Variants in ATP6V0E2 observed in about 807,000 individuals in gnomAD.
ATP6V0E2 encodes V-type proton ATPase subunit e 2.
A neutral mutation model predicts 11.5 loss-of-function variants in ATP6V0E2; 4 were observed. That is an observed-to-expected ratio of 0.35 (90% CI 0.17 to 0.80). The LOEUF (loss-of-function observed/expected upper bound fraction) is 0.80, where lower values mean the gene tolerates loss of function less well. ATP6V0E2 is among the 30% of genes least tolerant of loss of function. The probability of loss-of-function intolerance (pLI) is 0.53; values close to 1 mark genes in which losing one functional copy is unlikely to be tolerated. For missense variants in ATP6V0E2, 93 were observed against 113.5 expected (o/e 0.82, Z 0.82); for synonymous variants, 52 against 51.0 (o/e 1.02, Z -0.09).
At position 149,879,509 on chromosome 7, in the gene ATP6V0E2, G is replaced by A. The variant is rs1803340207; in HGVS notation, c.*194G>A. On this transcript the variant is annotated 3_prime_UTR_variant, in exon 4 of 4. Coordinates refer to ENST00000425642, the MANE Select transcript of ATP6V0E2 (RefSeq NM_145230.4). The stretch of plus-strand genomic sequence containing the variant: ...CTTCCCAGTCTTCCCAGCCAGCCCG[G>A]GCCCTGGGGAGCCCTGGGCACAGCA... The A allele has an allele frequency of 4.4e-6, 7 of 1,590,430 alleles. No individual in the cohort carries two copies. The highest frequency in any genetic ancestry group is 6.0e-6 in the Non-Finnish European group (7 of 1,168,500).
At chr7:149,873,782 C>T, upstream of ATP6V0E2, 2 of 1,262,088 alleles carry the variant, frequency 1.6e-6, no homozygotes, top group Admixed American at 5.8e-5. Flanking sequence ...GACGCGGACC[C>T]TATAACCCAT....
Position 149,875,649 on chromosome 7 carries a change from A to C in ATP6V0E2, c.152+4A>C. ...CCGCCGTCTGCTGTTACCTCTTGTA[A>C]GTACTACTCTCCCCAGCTCAAAGTC... On this transcript the variant is annotated splice_donor_region_variant and intron_variant, in intron 2 of 3. Coordinates refer to ENST00000425642, the MANE Select transcript of ATP6V0E2 (RefSeq NM_145230.4). 6.2e-7 allele frequency: 1 copy of C among 1,613,402 alleles called. No individual in the cohort carries two copies. Among genetic ancestry groups the C allele is most frequent in the Non-Finnish European group, 8.5e-7 (1 of 1,179,584 alleles).
At chr7:149,873,871 G>A, upstream of ATP6V0E2, 1 of 1,460,722 alleles carries the variant, frequency 6.8e-7, no homozygotes. Context: ...TCAGCGAGTG[G>A]GCTCCTAGGC....
At chr7:149,876,754 G>A (rs75153708) in intron 2 of ATP6V0E2, among the ~76,000 whole-genome samples, 4,785 of 152,252 alleles carry the variant, frequency 0.031, 65 homozygotes, top group East Asian at 0.056. Flanking sequence ...ATCTTCCTAT[G>A]TCTTGTACAT....
At chr7:149,874,228 C>G in intron 1 of ATP6V0E2, 59 bp downstream of exon 1, 2 of 1,487,732 alleles carry the variant, frequency 1.3e-6, no homozygotes, top group Non-Finnish European at 1.8e-6. Context: ...GCCCGGCTCG[C>G]CCCTCCGCCC....
In ATP6V0E2 at chr7:149,879,399, C is replaced by A. The variant is rs757772874; in HGVS notation, c.*84C>A. 1 of 1,600,772 alleles carries A rather than the reference C, an allele frequency of 6.2e-7. No homozygotes were observed. Among genetic ancestry groups the A allele is most frequent in the Non-Finnish European group, 8.5e-7 (1 of 1,173,820 alleles). On this transcript the variant is annotated 3_prime_UTR_variant, in exon 4 of 4. Coordinates refer to ENST00000425642, the MANE Select transcript of ATP6V0E2 (RefSeq NM_145230.4). ...GACAACCCCTTCGTCCGGACCCTCC[C>A]CCACACAACTATGTCTGGTCACCAG...
intron 2 of ATP6V0E2, chr7:149,876,113 C>T (rs1040526086): frequency 4.4e-6 from 2 of 456,452 alleles, no homozygotes; most frequent in African/African-American, 2.0e-5. Context: ...CGTGGCGGCT[C>T]ACGCCTGTAA....
chr7:149,879,442 C>G lies in ATP6V0E2; in HGVS notation c.*127C>G, dbSNP rs765510050. 1 of 1,602,970 alleles carries G rather than the reference C, an allele frequency of 6.2e-7. No individual in the cohort carries two copies. Among genetic ancestry groups the G allele is most frequent in the Non-Finnish European group, 8.5e-7 (1 of 1,175,352 alleles). On this transcript the variant is annotated 3_prime_UTR_variant, in exon 4 of 4. Coordinates refer to ENST00000425642, the MANE Select transcript of ATP6V0E2 (RefSeq NM_145230.4). ...GTCACCAGCTCCCTCCTGCTGGCACCCAGAGACCCGGACCCGCAGGGCCTG... is the reference window on the plus strand; with the variant it reads ...GTCACCAGCTCCCTCCTGCTGGCACGCAGAGACCCGGACCCGCAGGGCCTG...
At chr7:149,873,053 G>A (rs1802920089), upstream of ATP6V0E2, 1 of 152,210 alleles carries the variant, frequency 6.6e-6, no homozygotes, top group African/African-American at 2.4e-5. Context: ...AGAGAAGAAG[G>A]GATATGTGAG....
At position 149,879,361 on chromosome 7, in the gene ATP6V0E2, C is replaced by G; in HGVS notation, c.*46C>G. ...TGCCCAGCTCTCGGAATGACTGTGG[C>G]TCCACTGTCCCTGACAACCCCTTCG... On this transcript the variant is annotated 3_prime_UTR_variant, in exon 4 of 4. Transcript: ENST00000425642. The G allele has an allele frequency of 6.4e-7, 1 of 1,560,292 alleles. No individual in the cohort carries two copies. Among genetic ancestry groups the G allele is most frequent in the South Asian group, 1.2e-5 (1 of 83,436 alleles).
At chr7:149,873,669 A>C, upstream of ATP6V0E2, 1 of 401,566 alleles carries the variant, frequency 2.5e-6, no homozygotes. Flanking sequence ...CGGCGCGTGA[A>C]GGGCAGGGGA....
At position 149,879,515 on chromosome 7, in the gene ATP6V0E2, G is replaced by C. The variant is rs1803340976; in HGVS notation, c.*200G>C. On this transcript the variant is annotated 3_prime_UTR_variant, in exon 4 of 4. Transcript: ENST00000425642. The stretch of plus-strand genomic sequence containing the variant: ...AGTCTTCCCAGCCAGCCCGGGCCCT[G>C]GGGAGCCCTGGGCACAGCAGCGGCC... 6.3e-7 allele frequency: 1 copy of C among 1,587,290 alleles called. No homozygotes were observed. Among genetic ancestry groups the C allele is most frequent in the Admixed American group, 1.8e-5 (1 of 56,778 alleles).
In ATP6V0E2 at chr7:149,880,599, T is replaced by C. The variant is rs896853026; in HGVS notation, c.*1284T>C. 6.6e-6 allele frequency: 1 copy of C among 152,476 alleles called. No homozygotes were observed. Among genetic ancestry groups the C allele is most frequent in the Non-Finnish European group, 1.5e-5 (1 of 68,214 alleles). 9.4% of individuals were successfully genotyped at this position (152,476 alleles called of 1,614,324 possible). A position where few individuals can be genotyped will look rare whatever the true frequency, so the allele number is the denominator to read the frequency against. On this transcript the variant is annotated 3_prime_UTR_variant, in exon 4 of 4. Transcript: ENST00000425642. ...TGACATCCTCCCCCTACACTCCCTC[T>C]CTGAGCCTCCGTCGCCCCTCCTGTT...
Position 149,879,723 on chromosome 7 carries a change from G to T in ATP6V0E2, c.*408G>T. Reference sequence around the variant, plus strand: ...GAGAGGGTGCTCCGGCCCAGGCGGGGGAGTCAGTGCCCAGTCAGCAGCTCT... The same window carrying T: ...GAGAGGGTGCTCCGGCCCAGGCGGGTGAGTCAGTGCCCAGTCAGCAGCTCT... On this transcript the variant is annotated 3_prime_UTR_variant, in exon 4 of 4. Coordinates refer to ENST00000425642, the MANE Select transcript of ATP6V0E2 (RefSeq NM_145230.4). The T allele has an allele frequency of 7.6e-7, 1 of 1,324,050 alleles. No individual in the cohort carries two copies. Among genetic ancestry groups the T allele is most frequent in the Non-Finnish European group, 9.8e-7 (1 of 1,023,542 alleles). The allele number at this position is 1,324,050 out of a possible 1,614,324, so 82.0% of individuals were successfully genotyped here.
In ATP6V0E2 at chr7:149,874,224, C is replaced by T. The variant is rs1197077760; in HGVS notation, c.104+55C>T. The T allele has an allele frequency of 1.1e-5, 16 of 1,496,660 alleles. No individual in the cohort carries two copies. In the South Asian group the frequency reaches 1.7e-4, roughly 16 times the overall value. 92.7% of individuals were successfully genotyped at this position (1,496,660 alleles called of 1,614,324 possible). On this transcript the variant is annotated intron_variant, in intron 1 of 3. Transcript: ENST00000425642. ...TCTCCACCCCGGCCCCCTGGCCCGG[C>T]TCGCCCCTCCGCCCCGGGGCGGCGG...
At position 149,875,706 on chromosome 7, in the gene ATP6V0E2, C is replaced by T. The variant is rs189122070; in HGVS notation, c.152+61C>T. On this transcript the variant is annotated intron_variant, in intron 2 of 3. Coordinates refer to ENST00000425642, the MANE Select transcript of ATP6V0E2 (RefSeq NM_145230.4). Reference sequence around the variant, plus strand: ...TTCCTTTGTCCTCCCTCCTTTCCTCCTCACCCTAGCCTGCTCTTCCTTCTG... The same window carrying T: ...TTCCTTTGTCCTCCCTCCTTTCCTCTTCACCCTAGCCTGCTCTTCCTTCTG... 3.3e-6 allele frequency: 5 copies of T among 1,513,142 alleles called. No homozygotes were observed. In the African/African-American group the frequency reaches 5.5e-5, roughly 17 times the overall value. 93.7% of individuals were successfully genotyped at this position (1,513,142 alleles called of 1,614,324 possible). A position where few individuals can be genotyped will look rare whatever the true frequency, so the allele number is the denominator to read the frequency against.
In ATP6V0E2 at chr7:149,874,884, C is replaced by G. The variant is rs187849974; in HGVS notation, c.105-714C>G. ...GCTTGCAGTGCTTTAGATCAAAGAT[C>G]AAGGGCCTCGTTTGGATTAGAGTTA... On this transcript the variant is annotated intron_variant, in intron 1 of 3. Coordinates refer to ENST00000425642, the MANE Select transcript of ATP6V0E2 (RefSeq NM_145230.4). The G allele has an allele frequency of 6.3e-4, 96 of 153,430 alleles. 2 individuals carry two copies. In the South Asian group the frequency reaches 9.0e-3, roughly 14 times the overall value. 9.5% of individuals were successfully genotyped at this position (153,430 alleles called of 1,614,324 possible).
At position 149,875,617 on chromosome 7, in the gene ATP6V0E2, G is replaced by A. The variant is rs140812225; in HGVS notation, c.124G>A (p.Val42Ile). The change falls in exon 2 of 4, where the codon GTC becomes ATC. Residue 42 changes from valine (V) to isoleucine (I), a missense_variant. Physicochemically the swap from Val to Ile is conservative, Grantham distance 29 (BLOSUM62 3). Coordinates refer to ENST00000425642, the MANE Select transcript of ATP6V0E2 (RefSeq NM_145230.4). ...PNRGVIITML[V>I]ATAVCCYLFW... ...CTGCAGAGTGATCATCACCATGCTG[G>A]TCGCCACCGCCGTCTGCTGTTACCT... 3 of 1,613,848 alleles carry A rather than the reference G, an allele frequency of 1.9e-6. No homozygotes were observed. Among genetic ancestry groups the A allele is most frequent in the African/African-American group, 1.3e-5 (1 of 75,006 alleles).
intron 3 of ATP6V0E2, 186 bp from the exon 4 acceptor site, chr7:149,879,149 C>G: frequency 7.1e-7 from 1 of 1,398,910 alleles, no homozygotes; most frequent in African/African-American, 1.4e-5. Flanking sequence ...CAGCACCCCC[C>G]TCCCCCATCC....
Sources: allele counts gnomAD v4.1 joint callset (sites outside exome capture counted in the v4.1 genomes callset), GRCh38; gene constraint gnomAD v4.1.1; transcripts MANE v1.5; gene names NCBI Gene and HGNC (gene_info 2026-07-23, HGNC 2026-07-21).